The following XKR9 variants were observed in gnomAD, a reference collection of about 807,000 sequenced individuals.
XKR9 encodes XK related 9.
In XKR9, 32 loss-of-function variants were observed where a neutral mutation model predicts 32.0. The ratio of observed to expected loss-of-function variants is 1.00; its 90% CI spans 0.76 to 1.34. The LOEUF is 1.34. XKR9 is among the 40% of genes most tolerant of loss of function. The probability of loss-of-function intolerance (pLI) is 0.00; values close to 1 mark genes in which losing one functional copy is unlikely to be tolerated. For missense variants in XKR9, 546 were observed against 429.7 expected (o/e 1.27, Z -2.39); for synonymous variants, 168 against 143.4 (o/e 1.17, Z -1.22).
the XKR9 span, among the ~76,000 whole-genome samples, chr8:70,879,966 T>A: frequency 1.3e-5 from 2 of 152,178 alleles, no homozygotes; most frequent in Non-Finnish European, 2.9e-5. Flanking sequence ...CAAGACAGGT[T>A]CAACATATGC....
intron 2 of XKR9, among the ~76,000 whole-genome samples, chr8:70,761,702 G>A (rs1382519735): frequency 1.3e-5 from 2 of 151,762 alleles, no homozygotes; most frequent in Non-Finnish European, 2.9e-5. Context: ...AGTTTAATTA[G>A]ATCTCATTTT....
the XKR9 span, among the ~76,000 whole-genome samples, chr8:70,827,005 GT>G: frequency 1.3e-5 from 2 of 152,030 alleles, no homozygotes; most frequent in African/African-American, 4.8e-5. Context: ...TTTAAAATTT[GT>G]TGTACATAAA....
the XKR9 span, among the ~76,000 whole-genome samples, chr8:70,996,527 A>T: frequency 6.6e-6 from 1 of 152,232 alleles, no homozygotes; most frequent in East Asian, 1.9e-4. Flanking sequence ...ATTGCTTGGT[A>T]GTCTTTATTC....
chr8:71,055,000 CAAG>C, the XKR9 span, among the ~76,000 whole-genome samples: 5 of 152,072 alleles, frequency 3.3e-5, no homozygotes, highest in African/African-American at 9.7e-5. Flanking sequence ...CTGAACAATA[CAAG>C]AAGAAGATAA....
At chr8:70,724,967 C>G (rs1340279977) in intron 4 of XKR9, among the ~76,000 whole-genome samples, 1 of 152,174 alleles carries the variant, frequency 6.6e-6, no homozygotes, top group African/African-American at 2.4e-5. Context: ...AATCGACTCA[C>G]AGTTCTGCAG....
the XKR9 span, among the ~76,000 whole-genome samples, chr8:71,027,440 C>G: frequency 2.0e-4 from 30 of 146,634 alleles, no homozygotes; most frequent in South Asian, 6.2e-3. Context: ...TTTAATAATA[C>G]TAACTTTTAT....
chr8:70,818,802 T>C, the XKR9 span, among the ~76,000 whole-genome samples: 1 of 152,180 alleles, frequency 6.6e-6, no homozygotes, highest in African/African-American at 2.4e-5. Flanking sequence ...GGGAATTGGG[T>C]TACACACTGG....
intron 4 of XKR9, among the ~76,000 whole-genome samples, chr8:70,718,960 A>G (rs1392246759): frequency 6.6e-6 from 1 of 152,136 alleles, no homozygotes; most frequent in Non-Finnish European, 1.5e-5. Context: ...TTATTTCTCC[A>G]GATACTCTCC....
chr8:70,895,861 G>A, the XKR9 span, among the ~76,000 whole-genome samples: 30 of 151,484 alleles, frequency 2.0e-4, no homozygotes, highest in Middle Eastern at 3.4e-3. Context: ...AGCCGGGTGT[G>A]ATGGCGTGCA....
chr8:70,872,466 A>ACAAGTTATT, the XKR9 span, among the ~76,000 whole-genome samples: 7 of 152,386 alleles, frequency 4.6e-5, no homozygotes, highest in African/African-American at 1.7e-4. Context: ...AGAATCTGCA[A>ACAAGTTATT]CAAGTTATTC....
the XKR9 span, among the ~76,000 whole-genome samples, chr8:70,952,255 T>C: frequency 6.6e-6 from 1 of 152,134 alleles, no homozygotes; most frequent in African/African-American, 2.4e-5. Flanking sequence ...ACATTTTATT[T>C]ATATATGTTC....
At chr8:70,764,739 C>T (rs1807352411) in intron 2 of XKR9, among the ~76,000 whole-genome samples, 1 of 152,138 alleles carries the variant, frequency 6.6e-6, no homozygotes, top group Non-Finnish European at 1.5e-5. Context: ...TATCCCTCCC[C>T]TTGCCTCCCA....
the XKR9 span, among the ~76,000 whole-genome samples, chr8:71,049,790 A>C: frequency 6.6e-6 from 1 of 152,210 alleles, no homozygotes; most frequent in African/African-American, 2.4e-5. Context: ...AGTTACATAA[A>C]GAGAGAAAAA....
chr8:71,038,413 C>T, the XKR9 span, among the ~76,000 whole-genome samples: 1 of 151,092 alleles, frequency 6.6e-6, no homozygotes, highest in Non-Finnish European at 1.5e-5. Flanking sequence ...CTCTGCCTCC[C>T]AGGTTCAAGC....
chr8:70,692,406 G>GTT (rs35834721), intron 3 of XKR9, among the ~76,000 whole-genome samples: 7 of 150,506 alleles, frequency 4.7e-5, no homozygotes, highest in Admixed American at 6.6e-5. Flanking sequence ...GATGCCCTTT[G>GTT]TTTTTTTTTC....
At chr8:70,674,426 A>G (rs1818819826) in intron 1 of XKR9, among the ~76,000 whole-genome samples, 1 of 152,250 alleles carries the variant, frequency 6.6e-6, no homozygotes, top group African/African-American at 2.4e-5. Flanking sequence ...ACCAACAATC[A>G]TATGCTCTTT....
the XKR9 span, among the ~76,000 whole-genome samples, chr8:70,884,531 C>T: frequency 5.3e-5 from 8 of 152,200 alleles, no homozygotes; most frequent in East Asian, 1.5e-3. Flanking sequence ...GTCTATGACC[C>T]ATTTTGAGTT....
At position 70,776,947 on chromosome 8, in the gene XKR9, C is replaced by CTCTCTCTCTCTATATATATATATA; in HGVS notation, n.353-12391_353-12390insCTCTCTCTCTATATATATATATAT. On this transcript the variant is annotated intron_variant and non_coding_transcript_variant, in intron 2 of 3. Coordinates refer to the XKR9 transcript ENST00000520273. ...TTTCTCTCTCTCTCTCTCTCTCTCT[C>CTCTCTCTCTCTATATATATATATA]TATATATATATATATATGTATGTAT... Among the ~76,000 whole-genome samples, 130 of 54,162 alleles carry CTCTCTCTCTCTATATATATATATA rather than the reference C, an allele frequency of 2.4e-3. 2 individuals are homozygous for CTCTCTCTCTCTATATATATATATA. Among genetic ancestry groups the CTCTCTCTCTCTATATATATATATA allele is most frequent in the Middle Eastern group, 0.013 (1 of 76 alleles). The allele number at this position is 54,162 out of a possible 152,430, so 35.5% of individuals were successfully genotyped here. A position where few individuals can be genotyped will look rare whatever the true frequency, so the allele number is the denominator to read the frequency against.
chr8:70,928,247 G>A, the XKR9 span, among the ~76,000 whole-genome samples: 1 of 152,050 alleles, frequency 6.6e-6, no homozygotes, highest in East Asian at 1.9e-4. Context: ...GTCTTGCTCT[G>A]TTGCCCAGGC....
Sources: allele counts gnomAD v4.1 joint callset (sites outside exome capture counted in the v4.1 genomes callset), GRCh38; gene constraint gnomAD v4.1.1; transcripts MANE v1.5; gene names NCBI Gene and HGNC (gene_info 2026-07-23, HGNC 2026-07-21).